Variants in IFRD1 observed in about 807,000 individuals in gnomAD.
The protein encoded by IFRD1 is interferon-related developmental regulator 1.
Under a neutral mutation model 52.9 loss-of-function variants are expected in IFRD1, and 35 were observed. The ratio of observed to expected loss-of-function variants is 0.66; its 90% CI spans 0.51 to 0.88. IFRD1 has a LOEUF of 0.88. Ranked by LOEUF, IFRD1 falls within the 40% of genes least tolerant of loss-of-function variation. The probability of loss-of-function intolerance (pLI) is 0.00; values close to 1 mark genes in which losing one functional copy is unlikely to be tolerated. For missense variants in IFRD1, 517 were observed against 550.8 expected, an observed-to-expected ratio of 0.94 and a Z score of 0.61; for synonymous variants, 184 against 188.4, an observed-to-expected ratio of 0.98 and a Z score of 0.19.
At chr7:112,449,832 G>T (rs909776785), upstream of IFRD1, among the ~76,000 whole-genome samples, 202 of 108,986 alleles carry the variant, frequency 1.9e-3, 4 homozygotes, top group South Asian at 8.5e-3. Context: ...TTTTTGGGGG[G>T]GGGGGGGGAT....
chr7:112,455,960 T>G (rs1419143364), intron 2 of IFRD1, 42 bp from the exon 3 acceptor site: 1 of 1,489,566 alleles, frequency 6.7e-7, no homozygotes, highest in African/African-American at 1.4e-5. Flanking sequence ...TCCCTGTTTT[T>G]TTTCTTTTAA....
chr7:112,431,732 C>T (rs1357353992), intron 1 of IFRD1, among the ~76,000 whole-genome samples: 1 of 152,178 alleles, frequency 6.6e-6, no homozygotes, highest in African/African-American at 2.4e-5. Flanking sequence ...GCAGAAATGT[C>T]ACAGTTATGA....
intron 1 of IFRD1, among the ~76,000 whole-genome samples, chr7:112,445,233 A>T (rs1036127358): frequency 2.6e-5 from 4 of 151,668 alleles, no homozygotes; most frequent in South Asian, 2.1e-4. Flanking sequence ...CGCCCGGCTA[A>T]TTTTTTATAT....
intron 5 of IFRD1, chr7:112,461,506 A>G (rs896318659): frequency 4.2e-5 from 7 of 165,246 alleles, no homozygotes; most frequent in African/African-American, 1.7e-4. Flanking sequence ...ACTGACATAG[A>G]CTCATAAAAA....
At chr7:112,452,500 T>G (rs1795190610) in intron 1 of IFRD1, 3 of 949,540 alleles carry the variant, frequency 3.2e-6, no homozygotes, top group Non-Finnish European at 3.8e-6. Flanking sequence ...ACATTTGAAT[T>G]CTTTCTAGAA....
rs1021632157 is a variant in IFRD1, at chr7:112,451,019, C to T, written c.94+237C>T. The T allele has an allele frequency of 8.9e-6, 5 of 559,738 alleles. No homozygotes were observed. The African/African-American group carries it at 9.5e-5, about 11-fold the overall frequency. The allele number at this position is 559,738 out of a possible 1,614,324, so 34.7% of individuals were successfully genotyped here. A position where few individuals can be genotyped will look rare whatever the true frequency, so the allele number is the denominator to read the frequency against. Reference sequence around the variant, plus strand: ...CACCGGCCGTGGGGGCAGGGAGGAACGGGTCCTTGGGCCTGAGAGTGTGTC... The same window carrying T: ...CACCGGCCGTGGGGGCAGGGAGGAATGGGTCCTTGGGCCTGAGAGTGTGTC... On this transcript the variant is annotated intron_variant, in intron 1 of 11. Coordinates refer to ENST00000403825, the MANE Select transcript of IFRD1 (RefSeq NM_001550.4).
At chr7:112,447,443 TTC>T (rs1795054936), upstream of IFRD1, among the ~76,000 whole-genome samples, 1 of 152,234 alleles carries the variant, frequency 6.6e-6, no homozygotes, top group African/African-American at 2.4e-5. Flanking sequence ...TATCCATGGT[TTC>T]CCCTTCATTC....
chr7:112,444,382 AC>A (rs1474230029), intron 1 of IFRD1, among the ~76,000 whole-genome samples: 1 of 152,240 alleles, frequency 6.6e-6, no homozygotes, highest in African/African-American at 2.4e-5. Flanking sequence ...AAGAGTTCTA[AC>A]TAAATTTGCC....
chr7:112,435,316 T>A (rs1318221018), intron 1 of IFRD1: 1 of 152,202 alleles, frequency 6.6e-6, no homozygotes, highest in Non-Finnish European at 1.5e-5. Flanking sequence ...CCAGGGCTTA[T>A]TCTCACAGAC....
At chr7:112,429,644 G>T (rs532014052) in intron 1 of IFRD1, among the ~76,000 whole-genome samples, 1 of 152,074 alleles carries the variant, frequency 6.6e-6, no homozygotes, top group Non-Finnish European at 1.5e-5. Context: ...ATAATGTCCC[G>T]TCTGCTTCAA....
chr7:112,472,182 TA>T, intron 9 of IFRD1, 36 bp from the exon 10 acceptor site: 1 of 1,612,186 alleles, frequency 6.2e-7, no homozygotes, highest in Non-Finnish European at 8.5e-7. Context: ...TGAGCCATTT[TA>T]GTGCCTGTGG....
At chr7:112,460,264 T>TG (rs1795404120) in intron 5 of IFRD1, among the ~76,000 whole-genome samples, 1 of 138,644 alleles carries the variant, frequency 7.2e-6, no homozygotes, top group African/African-American at 2.7e-5. Context: ...TTTTTTTTTT[T>TG]GACAAGGTCT....
intron 1 of IFRD1, among the ~76,000 whole-genome samples, chr7:112,424,539 C>T (rs1260347996): frequency 6.6e-6 from 1 of 151,916 alleles, no homozygotes; most frequent in African/African-American, 2.4e-5. Context: ...CTCAGCCTCC[C>T]GAGTAGCTGG....
At position 112,435,246 on chromosome 7, in the gene IFRD1, A is replaced by G. The variant is rs191620065; in HGVS notation, c.-182+11814A>G. 9.8e-5 allele frequency among the ~76,000 whole-genome samples: 15 copies of G among 152,354 alleles called. 1 individual carries two copies. Among genetic ancestry groups the G allele is most frequent in the African/African-American group, 3.1e-4 (13 of 41,572 alleles). On this transcript the variant is annotated intron_variant, in intron 1 of 12. Transcript: ENST00000005558. The stretch of plus-strand genomic sequence containing the variant: ...TCAACACAAAACCACCCGCGGACAG[A>G]ACCAGAGCATCTCTGAAAGCTTCAG...
intron 1 of IFRD1, among the ~76,000 whole-genome samples, chr7:112,451,474 A>G (rs1023165332): frequency 6.6e-6 from 1 of 152,128 alleles, no homozygotes; most frequent in South Asian, 2.1e-4. Flanking sequence ...CACGGGGGGA[A>G]GAAACGCGTT....
chr7:112,450,633 C>G lies in IFRD1; in HGVS notation c.-56C>G. 3 of 1,389,946 alleles carry G rather than the reference C, an allele frequency of 2.2e-6. No homozygotes were observed. The highest frequency in any genetic ancestry group is 2.0e-6 in the Non-Finnish European group (2 of 977,342). The allele number at this position is 1,389,946 out of a possible 1,614,324, so 86.1% of individuals were successfully genotyped here. ...ACAGACGCACGAGTAAAAAGTGCAG[C>G]TCCATCGGCTGATCCTCGCTAAGCT... is the stretch of plus-strand genomic sequence containing the variant. On this transcript the variant is annotated 5_prime_UTR_variant, in exon 1 of 12. Transcript: ENST00000403825.
At position 112,475,850 on chromosome 7, in the gene IFRD1, A is replaced by G. The variant is rs987446634; in HGVS notation, c.*331A>G. 1.9e-5 allele frequency: 5 copies of G among 263,038 alleles called. No individual in the cohort carries two copies. The highest frequency in any genetic ancestry group is 1.0e-4 in the Admixed American group (2 of 19,652). 16.3% of individuals were successfully genotyped at this position (263,038 alleles called of 1,614,324 possible). A position where few individuals can be genotyped will look rare whatever the true frequency, so the allele number is the denominator to read the frequency against. On this transcript the variant is annotated 3_prime_UTR_variant, in exon 12 of 12. Transcript: ENST00000403825. ...TGGTTGTCAAGAATACTGATTTACT[A>G]TAATGATATATACATGCAAGATATT...
intron 7 of IFRD1, 21 bp downstream of exon 7, chr7:112,462,200 A>G (rs1235504061): frequency 1.2e-6 from 2 of 1,612,858 alleles, no homozygotes; most frequent in South Asian, 2.2e-5. Flanking sequence ...TTAGTTTCAT[A>G]TTTTATAAAA....
intron 11 of IFRD1, 110 bp from the exon 12 acceptor site, chr7:112,475,320 T>C (rs1437727021): frequency 4.3e-6 from 3 of 695,316 alleles, no homozygotes; most frequent in African/African-American, 3.6e-5. Context: ...TTTAAATGTT[T>C]ATAGGGTCAA....
Sources: gnomAD v4.1 joint callset for allele counts (sites outside exome capture counted in the v4.1 genomes callset) on GRCh38, gnomAD v4.1.1 for gene constraint, MANE v1.5 for transcripts, NCBI Gene and HGNC (gene_info 2026-07-23, HGNC 2026-07-21) for gene names.